Variants in ALPK2 observed in about 807,000 individuals in gnomAD.
The protein encoded by ALPK2 is alpha-protein kinase 2.
Under a neutral mutation model 163.1 loss-of-function variants are expected in ALPK2, and 127 were observed. That is an observed-to-expected ratio of 0.78 (90% CI 0.67 to 0.90). The LOEUF (loss-of-function observed/expected upper bound fraction) is 0.90. Ranked by LOEUF, ALPK2 falls within the 40% of genes least tolerant of loss-of-function variation. ALPK2 has a pLI of 0.00. For missense variants in ALPK2, 2,360 were observed against 2,589.6 expected (o/e 0.91, Z 1.92); for synonymous variants, 953 against 959.1 (o/e 0.99, Z 0.12).
intron 4 of ALPK2, among the ~76,000 whole-genome samples, chr18:58,563,363 C>G (rs2051834893): frequency 6.6e-6 from 1 of 152,120 alleles, no homozygotes; most frequent in African/African-American, 2.4e-5. Flanking sequence ...CAGAGTGGAG[C>G]TCATGTTGTG....
chr18:58,573,332 ATGTGTATATATATGTATATATATATGTG>A (rs2051898505), intron 4 of ALPK2, among the ~76,000 whole-genome samples: 3 of 143,242 alleles, frequency 2.1e-5, no homozygotes. Flanking sequence ...ATATGTATAT[ATGTGTATATATATGTATATATATATGTG>A]TGTGTATATA....
At chr18:58,610,403 A>G (rs1360049257) in intron 2 of ALPK2, among the ~76,000 whole-genome samples, 1 of 151,998 alleles carries the variant, frequency 6.6e-6, no homozygotes, top group Non-Finnish European at 1.5e-5. Flanking sequence ...AGAACCACCC[A>G]TGAGGTACAA....
chr18:58,525,297 T>C (rs2051578602), intron 6 of ALPK2, among the ~76,000 whole-genome samples: 1 of 152,168 alleles, frequency 6.6e-6, no homozygotes, highest in Admixed American at 6.5e-5. Context: ...TATCCCACTG[T>C]ATGGTTAAAA....
Position 58,607,454 on chromosome 18 carries a change from A to ATTAGGGGAATATAATTAGTTACT in ALPK2, c.110-16_110-15insAGTAACTAATTATATTCCCCTAA. ...CTTGGGCTGACCTGACAATAAAGAAAGAAAAGTATCCTTATTAGTTTAAGT... is the reference window on the plus strand; with the variant it reads ...CTTGGGCTGACCTGACAATAAAGAAATTAGGGGAATATAATTAGTTACTGAAAAGTATCCTTATTAGTTTAAGT... On this transcript the variant is annotated splice_polypyrimidine_tract_variant and intron_variant, in intron 2 of 12. Transcript: ENST00000361673. 6.5e-7 allele frequency: 1 copy of ATTAGGGGAATATAATTAGTTACT among 1,535,618 alleles called. No homozygotes were observed. Among genetic ancestry groups the ATTAGGGGAATATAATTAGTTACT allele is most frequent in the Non-Finnish European group, 8.9e-7 (1 of 1,126,834 alleles).
chr18:58,538,449 A>C (rs769910281), intron 4 of ALPK2: 5 of 486,808 alleles, frequency 1.0e-5, no homozygotes, highest in Admixed American at 3.8e-5. Context: ...CAAATTCATC[A>C]TTATAAGCAA....
At chr18:58,525,538 C>T (rs1160776608) in intron 6 of ALPK2, among the ~76,000 whole-genome samples, 1 of 152,146 alleles carries the variant, frequency 6.6e-6, no homozygotes, top group African/African-American at 2.4e-5. Flanking sequence ...GATACTTGGC[C>T]CAGAACCACG....
chr18:58,488,747 G>A (rs371844981), intron 12 of ALPK2, among the ~76,000 whole-genome samples: 1 of 151,932 alleles, frequency 6.6e-6, no homozygotes, highest in African/African-American at 2.4e-5. Flanking sequence ...AGGTCAGGAT[G>A]GGGGTGAAGA....
intron 11 of ALPK2, among the ~76,000 whole-genome samples, chr18:58,503,126 G>A (rs992569470): frequency 2.0e-5 from 3 of 152,232 alleles, no homozygotes; most frequent in Non-Finnish European, 4.4e-5. Flanking sequence ...GAACCCTAAC[G>A]ATGACATCTC....
intron 12 of ALPK2, among the ~76,000 whole-genome samples, chr18:58,494,945 G>A (rs1013191514): frequency 3.9e-5 from 6 of 152,156 alleles, no homozygotes; most frequent in South Asian, 4.2e-4. Context: ...ATTGTGCCTC[G>A]CCTCCCAGCA....
At chr18:58,562,360 T>G (rs8094276) in intron 4 of ALPK2, among the ~76,000 whole-genome samples, 22,713 of 152,192 alleles carry the variant, frequency 0.15, 1,932 homozygotes, top group African/African-American at 0.22. Context: ...TTTTCAGTCT[T>G]TTTAACTATA....
intron 4 of ALPK2, among the ~76,000 whole-genome samples, chr18:58,542,385 C>T (rs1470962440): frequency 6.6e-6 from 1 of 152,242 alleles, no homozygotes; most frequent in Non-Finnish European, 1.5e-5. Context: ...AGTTGGGGAG[C>T]TCTGACAGGC....
At chr18:58,576,340 C>T (rs2051921743) in intron 4 of ALPK2, among the ~76,000 whole-genome samples, 1 of 152,216 alleles carries the variant, frequency 6.6e-6, no homozygotes, top group South Asian at 2.1e-4. Context: ...TACCATTGCT[C>T]CAGCCCAGGC....
chr18:58,606,520 T>C (rs1379336730), intron 3 of ALPK2, among the ~76,000 whole-genome samples: 1 of 152,188 alleles, frequency 6.6e-6, no homozygotes, highest in Non-Finnish European at 1.5e-5. Flanking sequence ...TGAAATTGAG[T>C]TTCAGAGAGG....
intron 12 of ALPK2, 140 bp downstream of exon 12, chr18:58,497,909 A>C (rs1364479601): frequency 2.8e-6 from 2 of 724,184 alleles, no homozygotes; most frequent in East Asian, 5.3e-5. Flanking sequence ...AGTGAGAGAA[A>C]TGAATTCATT....
chr18:58,626,453 G>A (rs1417463083), intron 1 of ALPK2, among the ~76,000 whole-genome samples: 3 of 150,466 alleles, frequency 2.0e-5, no homozygotes, highest in Non-Finnish European at 3.0e-5. Context: ...CTCCACTCCC[G>A]CCCCCACCTC....
intron 3 of ALPK2, among the ~76,000 whole-genome samples, chr18:58,586,851 TA>T (rs1452899306): frequency 6.6e-6 from 1 of 151,258 alleles, no homozygotes; most frequent in Non-Finnish European, 1.5e-5. Context: ...CCAAAAAGCT[TA>T]AAAGGGAAAG....
rs1441263187 is a variant in ALPK2 at position 58,536,168 on chromosome 18, T to C, written c.4019A>G (p.Glu1340Gly). 9 of 1,614,010 alleles carry C rather than the reference T, an allele frequency of 5.6e-6. No homozygotes were observed. In the Admixed American group the frequency reaches 1.2e-4, roughly 21 times the overall value. ...TTCATCTACAGGGTCCACGGATGACTCCAGGAGTCTGGGTTGGCTGAAACC... is the reference window on the plus strand; with the variant it reads ...TTCATCTACAGGGTCCACGGATGACCCCAGGAGTCTGGGTTGGCTGAAACC... ...SRGFSQPRLL[E>G]SSVDPVDEKE... Residue 1340 changes from glutamate to glycine, a missense_variant, in exon 5 of 13, where the codon GAG becomes GGG. Glu to Gly is a moderately conservative substitution (Grantham distance 98). Transcript: ENST00000361673.
intron 4 of ALPK2, among the ~76,000 whole-genome samples, chr18:58,554,301 A>G (rs1332307338): frequency 6.6e-6 from 1 of 152,232 alleles, no homozygotes; most frequent in African/African-American, 2.4e-5. Context: ...CAGTCTGCCC[A>G]GCACAGAGTT....
chr18:58,564,221 C>T (rs530968734), intron 4 of ALPK2, among the ~76,000 whole-genome samples: 27 of 146,326 alleles, frequency 1.8e-4, no homozygotes, highest in African/African-American at 6.6e-4. Context: ...CTCCCTGGTT[C>T]AAGCGATTCT....
Sources: gnomAD v4.1 joint callset for allele counts (sites outside exome capture counted in the v4.1 genomes callset) on GRCh38, gnomAD v4.1.1 for gene constraint, MANE v1.5 for transcripts, NCBI Gene and HGNC (gene_info 2026-07-23, HGNC 2026-07-21) for gene names.